The following TDRP variants were observed in gnomAD, a reference collection of about 807,000 sequenced individuals.
TDRP encodes testis development related protein.
Under a neutral mutation model 10.5 loss-of-function variants are expected in TDRP, and 12 were observed. That is an observed-to-expected ratio of 1.15 (90% CI 0.73 to 1.86). The LOEUF (loss-of-function observed/expected upper bound fraction) is 1.86, where lower values mean the gene tolerates loss of function less well. Ranked by LOEUF, TDRP falls within the 40% of genes most tolerant of loss-of-function variation. TDRP has a pLI of 0.00. For missense variants in TDRP, 353 were observed against 229.2 expected (o/e 1.54, Z -3.49); for synonymous variants, 139 against 95.4 (o/e 1.46, Z -2.67).
intron 1 of TDRP, among the ~76,000 whole-genome samples, chr8:520,684 C>G (rs1328092678): frequency 1.3e-5 from 2 of 152,134 alleles, no homozygotes; most frequent in African/African-American, 4.8e-5. Flanking sequence ...TTGTATTTCC[C>G]TGATGATTAG....
At chr8:516,225 T>C (rs899551049) in intron 1 of TDRP, among the ~76,000 whole-genome samples, 32 of 152,160 alleles carry the variant, frequency 2.1e-4, no homozygotes, top group African/African-American at 7.5e-4. Context: ...CCTATTCCCT[T>C]GTCATAAAAT....
chr8:499,610 A>G (rs1801229865), intron 1 of TDRP, among the ~76,000 whole-genome samples: 2 of 152,194 alleles, frequency 1.3e-5, no homozygotes, highest in Admixed American at 1.3e-4. Context: ...AAGGTGCACA[A>G]ACAGACATGA....
chr8:501,563 T>C (rs1584855644), intron 1 of TDRP, among the ~76,000 whole-genome samples: 1 of 152,224 alleles, frequency 6.6e-6, no homozygotes, highest in African/African-American at 2.4e-5. Context: ...GCCCGGCTGG[T>C]CTCGAACTCC....
rs756483012 is a variant in TDRP at position 492,492 on chromosome 8, G to C, written c.465C>G (p.Ser155Arg). The C allele has an allele frequency of 1.2e-6, 2 of 1,610,796 alleles. No individual in the cohort carries two copies. The highest frequency in any genetic ancestry group is 1.7e-5 in the Admixed American group (1 of 59,638). ...KYTSLASSAN[S>R]SRWSLRAAGR... ...CTGCCGCGCGCAGGCTCCACCTGGA[G>C]CTGTTGGCAGAGCTGGCCAGGCTGG... The change falls in exon 3 of 3, where the codon AGC becomes AGG. Residue 155 changes from serine (S) to arginine (R), a missense_variant. By Grantham distance (110) the Ser-to-Arg change is moderately radical. Transcript: ENST00000324079.
At chr8:524,580 G>A (rs983911597) in intron 1 of TDRP, among the ~76,000 whole-genome samples, 3 of 152,166 alleles carry the variant, frequency 2.0e-5, no homozygotes, top group African/African-American at 2.4e-5. Context: ...ATTTGACCAG[G>A]AGATTGAAAT....
intron 1 of TDRP, among the ~76,000 whole-genome samples, chr8:506,892 G>A (rs768695944): frequency 1.3e-5 from 2 of 152,198 alleles, no homozygotes; most frequent in Non-Finnish European, 2.9e-5. Context: ...GAACACTGGA[G>A]TCTGTGGTGA....
chr8:545,015 GCCCGCCCCAAACCCTTCCGAAGACCAGA>G (rs1802603658), upstream of TDRP: 3 of 286,950 alleles, frequency 1.0e-5, no homozygotes, highest in East Asian at 5.7e-5. Flanking sequence ...TCAGGACCAG[GCCCGCCCCAAACCCTTCCGAAGACCAGA>G]CCCGCCCCCA....
chr8:491,805 T>G lies in TDRP; in HGVS notation c.*594A>C. 1.6e-6 allele frequency: 2 copies of G among 1,254,456 alleles called. No individual in the cohort carries two copies. Among genetic ancestry groups the G allele is most frequent in the Non-Finnish European group, 2.0e-6 (2 of 1,001,272 alleles). The allele number at this position is 1,254,456 out of a possible 1,614,324, so 77.7% of individuals were successfully genotyped here. A position where few individuals can be genotyped will look rare whatever the true frequency, so the allele number is the denominator to read the frequency against. ...GGACATACAAGAAGCTATTCCTCCCTCAGCAAAAGATGAACATGCATTTTA... is the reference window on the plus strand; with the variant it reads ...GGACATACAAGAAGCTATTCCTCCCGCAGCAAAAGATGAACATGCATTTTA... On this transcript the variant is annotated 3_prime_UTR_variant, in exon 3 of 3. Transcript: ENST00000324079.
intron 1 of TDRP, among the ~76,000 whole-genome samples, chr8:539,971 G>A (rs1802449916): frequency 6.6e-6 from 1 of 152,172 alleles, no homozygotes; most frequent in African/African-American, 2.4e-5. Flanking sequence ...AAATTTGTAA[G>A]TGAAAATATG....
At chr8:517,316 G>A (rs182351626) in intron 1 of TDRP, among the ~76,000 whole-genome samples, 3 of 152,136 alleles carry the variant, frequency 2.0e-5, no homozygotes, top group Admixed American at 2.0e-4. Context: ...TCTCTTGTGG[G>A]GAGAATTTAC....
intron 1 of TDRP, among the ~76,000 whole-genome samples, chr8:504,470 T>G (rs1801400318): frequency 1.3e-5 from 2 of 152,064 alleles, no homozygotes; most frequent in South Asian, 4.2e-4. Context: ...AGAAACCCAC[T>G]CACCAAGTGA....
At chr8:495,032 C>G (rs572110390) in intron 1 of TDRP, 48 of 156,050 alleles carry the variant, frequency 3.1e-4, no homozygotes, top group African/African-American at 8.2e-4. Context: ...AGGAGTTCAA[C>G]ACCAGCCTGG....
Position 544,717 on chromosome 8 carries a change from G to A in TDRP, c.41C>T (p.Pro14Leu). 8.0e-7 allele frequency: 1 copy of A among 1,245,006 alleles called. No homozygotes were observed. Among genetic ancestry groups the A allele is most frequent in the Non-Finnish European group, 1.0e-6 (1 of 994,464 alleles). The allele number at this position is 1,245,006 out of a possible 1,614,324, so 77.1% of individuals were successfully genotyped here. Residue 14 changes from proline (P) to leucine (L), a missense_variant, in exon 1 of 3, where the codon CCC (proline) becomes CTC (leucine). By Grantham distance (98) the Pro-to-Leu change is moderately conservative. Transcript: ENST00000324079. ...ACGCAGGCCGTCCTCCTCCTCGGGG[G>A]GCTCGTCCAGCAGCACTCGGCCCCG... ...LGRGRVLLDE[P>L]PEEEDGLRGG...
At chr8:532,638 G>A (rs907990621) in intron 1 of TDRP, among the ~76,000 whole-genome samples, 8 of 152,212 alleles carry the variant, frequency 5.3e-5, no homozygotes, top group African/African-American at 1.9e-4. Flanking sequence ...ATATAAGTCA[G>A]CTTCATGACT....
At chr8:511,631 A>C (rs1206858286) in intron 1 of TDRP, among the ~76,000 whole-genome samples, 1 of 152,232 alleles carries the variant, frequency 6.6e-6, no homozygotes, top group African/African-American at 2.4e-5. Flanking sequence ...CTCTCCAACA[A>C]TAGAATGTAC....
chr8:508,099 G>C (rs796663540), intron 1 of TDRP, among the ~76,000 whole-genome samples: 2 of 152,176 alleles, frequency 1.3e-5, no homozygotes, highest in African/African-American at 4.8e-5. Flanking sequence ...CTAAAGGAAA[G>C]TATGATAAAG....
At chr8:496,281 G>C (rs1027840080) in intron 1 of TDRP, among the ~76,000 whole-genome samples, 1 of 152,190 alleles carries the variant, frequency 6.6e-6, no homozygotes, top group Non-Finnish European at 1.5e-5. Context: ...GATGCGCAGG[G>C]CCCATGGCAT....
intron 1 of TDRP, among the ~76,000 whole-genome samples, chr8:519,922 G>T (rs1250950691): frequency 6.6e-6 from 1 of 152,172 alleles, no homozygotes; most frequent in East Asian, 1.9e-4. Flanking sequence ...AAGCTTCTAA[G>T]GAAATATATG....
intron 1 of TDRP, among the ~76,000 whole-genome samples, chr8:508,076 T>C (rs975852006): frequency 6.6e-6 from 1 of 152,026 alleles, no homozygotes; most frequent in Non-Finnish European, 1.5e-5. Context: ...CCATTATAAA[T>C]ATGTTAACAA....
Sources: gnomAD v4.1 joint callset for allele counts (sites outside exome capture counted in the v4.1 genomes callset) on GRCh38, gnomAD v4.1.1 for gene constraint, MANE v1.5 for transcripts, NCBI Gene and HGNC (gene_info 2026-07-23, HGNC 2026-07-21) for gene names.